Variants in UNC80 observed in about 807,000 individuals in gnomAD.
UNC80 encodes protein unc-80 homolog.
In UNC80, 164 loss-of-function variants were observed where a neutral mutation model predicts 384.6. The observed-to-expected ratio is 0.43, with a 90% confidence interval of 0.38 to 0.49. The LOEUF (loss-of-function observed/expected upper bound fraction) is 0.49, where lower values mean the gene tolerates loss of function less well. UNC80 is among the 20% of genes least tolerant of loss of function. UNC80 has a pLI of 0.00. For missense variants in UNC80, 3,330 were observed against 4,143.0 expected (o/e 0.80, Z 5.39); for synonymous variants, 1,486 against 1,527.8 (o/e 0.97, Z 0.64).
chr2:209,793,903 CA>C (rs1275687644), intron 7 of UNC80, 44 bp downstream of exon 7: 2 of 1,605,622 alleles, frequency 1.2e-6, no homozygotes, highest in Non-Finnish European at 8.5e-7. Flanking sequence ...CACTGGTCAC[CA>C]AAAATCAAAT....
chr2:209,978,938 T>C (rs6435548), intron 59 of UNC80, among the ~76,000 whole-genome samples: 87,806 of 152,096 alleles, frequency 0.58, 25,335 homozygotes, highest in Non-Finnish European at 0.61. Context: ...AAAGTAAATA[T>C]GAATTTGAAT....
At chr2:209,798,973 C>T (rs56810761) in intron 7 of UNC80, among the ~76,000 whole-genome samples, 32,957 of 150,516 alleles carry the variant, frequency 0.22, 4,044 homozygotes, top group Non-Finnish European at 0.27. Flanking sequence ...CGCGATCCAC[C>T]GTGCCCAGCC....
intron 18 of UNC80, among the ~76,000 whole-genome samples, chr2:209,837,520 T>C (rs563012269): frequency 1.3e-5 from 2 of 152,314 alleles, no homozygotes; most frequent in South Asian, 2.1e-4. Flanking sequence ...GTGTACTTTT[T>C]TCCCCCAATT....
Position 209,985,007 on chromosome 2 carries a change from G to A in UNC80, c.9314+95G>A, listed in dbSNP as rs73005310. 9.8e-3 allele frequency: 10,877 copies of A among 1,107,110 alleles called. 97 individuals are homozygous for A. Among genetic ancestry groups the A allele is most frequent in the Non-Finnish European group, 0.012 (8,990 of 778,630 alleles). 68.6% of individuals were successfully genotyped at this position (1,107,110 alleles called of 1,614,324 possible). On this transcript the variant is annotated intron_variant, in intron 61 of 64. Coordinates refer to ENST00000673920, the MANE Select transcript of UNC80 (RefSeq NM_001371986.1). ...CTCTCTGTCTTCTCTGTCTCTTCTC[G>A]CCCCGTCTTAATATCTATTTCCATT...
chr2:209,880,125 T>TAATC lies in UNC80; in HGVS notation c.3977-833_3977-832insCAAT, dbSNP rs557532051. Among the ~76,000 whole-genome samples, 305 of 152,294 alleles carry TAATC rather than the reference T, an allele frequency of 2.0e-3. 1 individual carries two copies. Among genetic ancestry groups the TAATC allele is most frequent in the African/African-American group, 7.1e-3 (295 of 41,558 alleles). ...CTTTGATTTTTTCTGAACACGTAAA[T>TAATC]AATATATTTCTACATCATCCTGTGT... On this transcript the variant is annotated intron_variant, in intron 24 of 64. Transcript: ENST00000673920.
chr2:209,840,360 T>A (rs1559177749), intron 19 of UNC80, among the ~76,000 whole-genome samples, 182 bp from the exon 20 acceptor site: 1 of 152,250 alleles, frequency 6.6e-6, no homozygotes, highest in Non-Finnish European at 1.5e-5. Context: ...CACATGCTTA[T>A]GCAATTTTAT....
At chr2:209,967,381 G>T in intron 51 of UNC80, 56 bp from the exon 52 acceptor site, 1 of 1,314,670 alleles carries the variant, frequency 7.6e-7, no homozygotes, top group African/African-American at 1.5e-5. Flanking sequence ...AAAAATTCCT[G>T]TTGTGTAATT....
intron 26 of UNC80, among the ~76,000 whole-genome samples, chr2:209,888,491 A>T (rs1248194635): frequency 6.6e-6 from 1 of 152,174 alleles, no homozygotes; most frequent in Non-Finnish European, 1.5e-5. Context: ...TTACAGCTAT[A>T]AGATGAACCA....
At chr2:209,910,192 A>T (rs1255687670) in intron 29 of UNC80, among the ~76,000 whole-genome samples, 1 of 150,750 alleles carries the variant, frequency 6.6e-6, no homozygotes, top group Admixed American at 6.6e-5. Context: ...GCTAATCTTG[A>T]GTTTCTCTAC....
At chr2:209,891,642 G>A (rs551961986) in intron 26 of UNC80, among the ~76,000 whole-genome samples, 1 of 152,094 alleles carries the variant, frequency 6.6e-6, no homozygotes, top group Admixed American at 6.6e-5. Context: ...CTCAAATGCT[G>A]AATATTTTTT....
chr2:209,909,270 A>G (rs1394604065), intron 29 of UNC80, among the ~76,000 whole-genome samples: 1 of 152,190 alleles, frequency 6.6e-6, no homozygotes, highest in African/African-American at 2.4e-5. Flanking sequence ...TCTCTAGTCA[A>G]TAATTTTTGT....
intron 29 of UNC80, among the ~76,000 whole-genome samples, chr2:209,905,317 G>A (rs1170826401): frequency 1.3e-5 from 2 of 152,136 alleles, no homozygotes; most frequent in African/African-American, 4.8e-5. Flanking sequence ...TGGCAGAAGA[G>A]GTTTTGCAGA....
rs1472883838 is a variant in UNC80 at position 209,968,504 on chromosome 2, T to TA, written c.8006+874dup. On this transcript the variant is annotated intron_variant, in intron 52 of 64. Transcript: ENST00000673920. The stretch of plus-strand genomic sequence containing the variant: ...CACTAATCCAGCTTTCAGGAGTCAT[T>TA]AAAAAAACAAATGGAAAAGTTTTAT... 2.6e-5 allele frequency: 4 copies of TA among 151,974 alleles called. 1 individual carries two copies. The highest frequency in any genetic ancestry group is 6.5e-5 in the Admixed American group (1 of 15,272). 9.4% of individuals were successfully genotyped at this position (151,974 alleles called of 1,614,324 possible).
chr2:209,988,673 T>G (rs116819665), intron 61 of UNC80, among the ~76,000 whole-genome samples: 1 of 152,142 alleles, frequency 6.6e-6, no homozygotes, highest in South Asian at 2.1e-4. Flanking sequence ...AGAGAAGAGG[T>G]CATCTATGTC....
intron 13 of UNC80, among the ~76,000 whole-genome samples, chr2:209,822,024 C>T (rs1411569848): frequency 1.3e-5 from 2 of 152,286 alleles, no homozygotes; most frequent in East Asian, 1.9e-4. Flanking sequence ...ATTTCTTCCT[C>T]ATTTCTTTCG....
At chr2:209,918,349 G>T (rs1240513152) in intron 32 of UNC80, among the ~76,000 whole-genome samples, 183 bp from the exon 33 acceptor site, 2 of 152,114 alleles carry the variant, frequency 1.3e-5, no homozygotes, top group Non-Finnish European at 2.9e-5. Context: ...GCCCAGATAG[G>T]TTCATCTTGT....
rs546133507 is a variant in UNC80, at chr2:209,888,449, C to T, written c.4276+189C>T. Among the ~76,000 whole-genome samples, 14 of 152,180 alleles carry T rather than the reference C, an allele frequency of 9.2e-5. No individual in the cohort carries two copies. In the South Asian group the frequency reaches 2.9e-3, roughly 32 times the overall value. The stretch of plus-strand genomic sequence containing the variant: ...CTCTGCAGTCAGAGAGGCCTGGCTT[C>T]CAATTCCAGCTCAGAAACTCTCCAT... On this transcript the variant is annotated intron_variant, in intron 26 of 64. Coordinates refer to ENST00000673920, the MANE Select transcript of UNC80 (RefSeq NM_001371986.1).
At chr2:209,845,724 C>G (rs2082120929) in intron 21 of UNC80, among the ~76,000 whole-genome samples, 1 of 152,092 alleles carries the variant, frequency 6.6e-6, no homozygotes, top group Non-Finnish European at 1.5e-5. Context: ...TATCACTATT[C>G]TTTGCCTATG....
chr2:209,810,846 G>T (rs731953), intron 7 of UNC80, among the ~76,000 whole-genome samples: 75,239 of 151,872 alleles, frequency 0.5, 20,344 homozygotes, highest in East Asian at 0.61. Context: ...TAAATCAAAT[G>T]ATTTTCACAA....
Sources: allele counts gnomAD v4.1 joint callset (sites outside exome capture counted in the v4.1 genomes callset), GRCh38; gene constraint gnomAD v4.1.1; transcripts MANE v1.5; gene names NCBI Gene and HGNC (gene_info 2026-07-23, HGNC 2026-07-21).